SPATA6: variants seen among roughly 807,000 people sequenced by gnomAD.
SPATA6 encodes the protein spermatogenesis-associated protein 6.
Under a neutral mutation model 65.3 loss-of-function variants are expected in SPATA6, and 56 were observed. The ratio of observed to expected loss-of-function variants is 0.86; its 90% CI spans 0.69 to 1.07. The LOEUF is 1.07. Among genes scored for constraint, SPATA6 ranks in the 50% least tolerant of loss-of-function variants. The pLI, the probability that SPATA6 is intolerant of heterozygous loss-of-function variation, is 0.00. For missense variants in SPATA6, 590 were observed against 594.8 expected, an observed-to-expected ratio of 0.99 and a Z score of 0.08; for synonymous variants, 199 against 213.2, an observed-to-expected ratio of 0.93 and a Z score of 0.58.
chr1:48,463,288 T>G (rs1657580384), intron 1 of SPATA6, among the ~76,000 whole-genome samples: 1 of 152,094 alleles, frequency 6.6e-6, no homozygotes, highest in African/African-American at 2.4e-5. Context: ...CCAATGCAAT[T>G]CATTAAAATA....
At chr1:48,341,374 A>G (rs1037306930) in intron 11 of SPATA6, among the ~76,000 whole-genome samples, 2 of 152,150 alleles carry the variant, frequency 1.3e-5, no homozygotes, top group African/African-American at 4.8e-5. Context: ...GTAGCATGAT[A>G]AAATCTTATG....
At chr1:48,298,975 G>T in intron 12 of SPATA6, 82 bp from the exon 13 acceptor site, 1 of 1,358,018 alleles carries the variant, frequency 7.4e-7, no homozygotes, top group Non-Finnish European at 1.0e-6. Context: ...TATTTATTGA[G>T]TACTCTATGG....
intron 9 of SPATA6, among the ~76,000 whole-genome samples, chr1:48,378,242 T>TG: frequency 6.6e-6 from 1 of 152,276 alleles, no homozygotes; most frequent in South Asian, 2.1e-4. Context: ...GCTTATCAGT[T>TG]GGGGGCAGGC....
At chr1:48,363,948 C>A (rs971782467) in intron 9 of SPATA6, among the ~76,000 whole-genome samples, 5 of 152,018 alleles carry the variant, frequency 3.3e-5, no homozygotes, top group African/African-American at 1.2e-4. Context: ...CTATCCCTCC[C>A]CCCTTCCCCC....
Position 48,421,125 on chromosome 1 carries a change from T to C in SPATA6, c.239-7974A>G, listed in dbSNP as rs141628151. ...AGGATGGACTAATGCTGGTGATCTA[T>C]TGCACAGTAGGGTGACCATAGTTAT... is the stretch of plus-strand genomic sequence containing the variant. On this transcript the variant is annotated intron_variant, in intron 3 of 12. Coordinates refer to ENST00000371847, the MANE Select transcript of SPATA6 (RefSeq NM_019073.4). Among the ~76,000 whole-genome samples the C allele has an allele frequency of 8.9e-3, 1,348 of 152,254 alleles. 14 individuals carry two copies. Among genetic ancestry groups the C allele is most frequent in the Non-Finnish European group, 0.012 (812 of 68,016 alleles).
rs376616816 is a variant in SPATA6, at chr1:48,312,150, C to A, written c.1195-6272G>T. Among the ~76,000 whole-genome samples, 9 of 152,288 alleles carry A rather than the reference C, an allele frequency of 5.9e-5. No homozygotes were observed. The South Asian group carries it at 1.2e-3, about 21-fold the overall frequency. ...CTCCACCTCTGGGGGCAGGGAATAG[C>A]GAAACAAAAGGCAGCAGAAACCTCT... On this transcript the variant is annotated intron_variant, in intron 11 of 12. Transcript: ENST00000371847.
intron 9 of SPATA6, among the ~76,000 whole-genome samples, chr1:48,380,948 G>T (rs1021408894): frequency 1.3e-5 from 2 of 152,162 alleles, no homozygotes; most frequent in African/African-American, 2.4e-5. Flanking sequence ...CGAACTGGTG[G>T]GGGGCGGGGA....
At position 48,325,398 on chromosome 1, in the gene SPATA6, G is replaced by A. The variant is rs572988252; in HGVS notation, c.1195-19520C>T. ...TCTCCCTGATTCCTCCAGGCCCAAG[G>A]AGCCAGGGCCCTCCCCCAGCTTCTT... On this transcript the variant is annotated intron_variant, in intron 11 of 12. Coordinates refer to ENST00000371847, the MANE Select transcript of SPATA6 (RefSeq NM_019073.4). The A allele has an allele frequency of 4.3e-5, 59 of 1,376,160 alleles. No homozygotes were observed. The East Asian group carries it at 1.4e-3, about 32-fold the overall frequency. The allele number at this position is 1,376,160 out of a possible 1,614,324, so 85.2% of individuals were successfully genotyped here. A position where few individuals can be genotyped will look rare whatever the true frequency, so the allele number is the denominator to read the frequency against.
the SPATA6 span, among the ~76,000 whole-genome samples, chr1:48,276,042 T>C: frequency 1.3e-5 from 2 of 152,198 alleles, no homozygotes; most frequent in Non-Finnish European, 2.9e-5. Context: ...GGGATTCGAC[T>C]TCTTTCTGAT....
At position 48,305,964 on chromosome 1, in the gene SPATA6, C is replaced by A. The variant is rs568619256; in HGVS notation, c.1195-86G>T. On this transcript the variant is annotated intron_variant, in intron 11 of 12. Transcript: ENST00000371847. ...TGTTTCTTCATAAAATGCTCTTCCC[C>A]TCCCTTTATAAATTTTAATTCATAA... The A allele has an allele frequency of 1.1e-4, 100 of 937,366 alleles. 1 individual carries two copies. In the South Asian group the frequency reaches 1.7e-3, roughly 16 times the overall value. The allele number at this position is 937,366 out of a possible 1,614,324, so 58.1% of individuals were successfully genotyped here.
intron 11 of SPATA6, among the ~76,000 whole-genome samples, chr1:48,326,325 A>T (rs554951276): frequency 7.7e-4 from 117 of 152,334 alleles, no homozygotes; most frequent in Admixed American, 2.7e-3. Flanking sequence ...CTACAAGGAG[A>T]AATACAAAAC....
intron 10 of SPATA6, among the ~76,000 whole-genome samples, chr1:48,357,637 T>C (rs1465275941): frequency 6.6e-6 from 1 of 152,136 alleles, no homozygotes; most frequent in Non-Finnish European, 1.5e-5. Flanking sequence ...TTGATTTCAA[T>C]AGATTGTATA....
chr1:48,464,395 A>T (rs935554603), intron 1 of SPATA6, among the ~76,000 whole-genome samples: 1 of 152,234 alleles, frequency 6.6e-6, no homozygotes, highest in Non-Finnish European at 1.5e-5. Flanking sequence ...TTCCACATAA[A>T]AAATACAACT....
rs1355616419 is a variant in SPATA6 at position 48,296,247 on chromosome 1, C to A, written c.*2466G>T. On this transcript the variant is annotated 3_prime_UTR_variant, in exon 13 of 13. Transcript: ENST00000371847. ...ACTATTAGTACTTAAAGGTTTTACT[C>A]TTTAAAAACAATACAGCATAAGCAC... The A allele has an allele frequency of 1.3e-5, 2 of 152,016 alleles. No individual in the cohort carries two copies. The highest frequency in any genetic ancestry group is 3.2e-3 in the Middle Eastern group (1 of 316). 9.4% of individuals were successfully genotyped at this position (152,016 alleles called of 1,614,324 possible).
At chr1:48,304,907 C>T (rs1416279103) in intron 12 of SPATA6, among the ~76,000 whole-genome samples, 2 of 152,126 alleles carry the variant, frequency 1.3e-5, no homozygotes, top group East Asian at 3.8e-4. Flanking sequence ...GTAAAAAATA[C>T]TCTTCCTCAG....
chr1:48,261,916 GA>G, the SPATA6 span, among the ~76,000 whole-genome samples: 8 of 152,016 alleles, frequency 5.3e-5, no homozygotes, highest in African/African-American at 1.9e-4. Flanking sequence ...TTAGAATCAT[GA>G]AAACTCTAAC....
intron 3 of SPATA6, among the ~76,000 whole-genome samples, chr1:48,431,348 G>A (rs1463629227): frequency 6.6e-6 from 1 of 151,766 alleles, no homozygotes; most frequent in African/African-American, 2.4e-5. Flanking sequence ...TCTAAATAAT[G>A]GTTAAAACAA....
At chr1:48,303,045 GC>G (rs1254042924) in intron 12 of SPATA6, among the ~76,000 whole-genome samples, 1 of 152,110 alleles carries the variant, frequency 6.6e-6, no homozygotes, top group East Asian at 1.9e-4. Context: ...GTGCCATGGA[GC>G]TGGGGAGTGG....
At chr1:48,471,824 G>A in intron 1 of SPATA6, 134 bp downstream of exon 1, 1 of 1,039,252 alleles carries the variant, frequency 9.6e-7, no homozygotes, top group Non-Finnish European at 1.4e-6. Context: ...CAGGACCGAA[G>A]GGGCGTGAGG....
Sources: allele counts gnomAD v4.1 joint callset (sites outside exome capture counted in the v4.1 genomes callset), GRCh38; gene constraint gnomAD v4.1.1; transcripts MANE v1.5; gene names NCBI Gene and HGNC (gene_info 2026-07-23, HGNC 2026-07-21).